Variants in MRC2 observed in about 807,000 individuals in gnomAD.
MRC2 encodes C-type mannose receptor 2.
In MRC2, 84 loss-of-function variants were observed where a neutral mutation model predicts 206.2. The ratio of observed to expected loss-of-function variants is 0.41; its 90% CI spans 0.34 to 0.49. The LOEUF (loss-of-function observed/expected upper bound fraction) is 0.49. Ranked by LOEUF, MRC2 falls within the 20% of genes least tolerant of loss-of-function variation. The probability of loss-of-function intolerance (pLI) is 0.31; values close to 1 mark genes in which losing one functional copy is unlikely to be tolerated. For missense variants in MRC2, 1,676 were observed against 2,001.5 expected, an observed-to-expected ratio of 0.84 and a Z score of 3.10; for synonymous variants, 798 against 800.0, an observed-to-expected ratio of 1.00 and a Z score of 0.04.
At chr17:62,640,549 T>C (rs556773755) in intron 1 of MRC2, among the ~76,000 whole-genome samples, 2 of 152,306 alleles carry the variant, frequency 1.3e-5, no homozygotes, top group South Asian at 4.1e-4. Context: ...AGACACTGTC[T>C]CGCTCTGTTG....
In MRC2 at chr17:62,682,490, C is replaced by T. The variant is rs150297939; in HGVS notation, c.2946+113C>T. On this transcript the variant is annotated intron_variant, in intron 20 of 29. Transcript: ENST00000303375. ...GCAGCACCAAACTCATGGCCTCTTG[C>T]CTGTACCCACCAACTTCTCTTTCAC... 1.3e-3 allele frequency: 1,647 copies of T among 1,238,360 alleles called. 17 individuals carry two copies. The African/African-American group carries it at 0.023, about 17-fold the overall frequency. 76.7% of individuals were successfully genotyped at this position (1,238,360 alleles called of 1,614,324 possible). A position where few individuals can be genotyped will look rare whatever the true frequency, so the allele number is the denominator to read the frequency against.
At chr17:62,647,192 T>C (rs900317654) in intron 1 of MRC2, among the ~76,000 whole-genome samples, 1 of 150,394 alleles carries the variant, frequency 6.6e-6, no homozygotes, top group Admixed American at 6.6e-5. Flanking sequence ...TTTTCTTTTT[T>C]TTTTTTTTTG....
chr17:62,663,825 G>C (rs1355090849), intron 1 of MRC2, among the ~76,000 whole-genome samples: 3 of 152,130 alleles, frequency 2.0e-5, no homozygotes, highest in Non-Finnish European at 4.4e-5. Flanking sequence ...GAGAATTTTG[G>C]CAGAAAAACC....
chr17:62,627,869 G>A lies in MRC2; in HGVS notation c.67G>A (p.Gly23Arg), dbSNP rs1190604136. 1 of 1,476,920 alleles carries A rather than the reference G, an allele frequency of 6.8e-7. No individual in the cohort carries two copies. The highest frequency in any genetic ancestry group is 1.3e-5 in the South Asian group (1 of 77,916). 91.5% of individuals were successfully genotyped at this position (1,476,920 alleles called of 1,614,324 possible). ...RHLLRCVLLL[G>R]CLHLGRPGAP... ...CCTGCTGCGCTGCGTCCTGCTCCTC[G>A]GGTGCCTGCACCTCGGCCGTCCCGG... Residue 23 changes from glycine (G) to arginine (R), a missense_variant, in exon 1 of 30, where the codon GGG becomes AGG. Physicochemically the swap from Gly to Arg is moderately radical, Grantham distance 125. Coordinates refer to ENST00000303375, the MANE Select transcript of MRC2 (RefSeq NM_006039.5).
intron 1 of MRC2, among the ~76,000 whole-genome samples, chr17:62,656,160 C>T (rs936610684): frequency 6.6e-6 from 1 of 152,174 alleles, no homozygotes. Flanking sequence ...GATTCTCCTA[C>T]CTCAGCCTCC....
intron 20 of MRC2, among the ~76,000 whole-genome samples, chr17:62,684,389 A>G (rs1598995854): frequency 6.6e-6 from 1 of 152,194 alleles, no homozygotes; most frequent in East Asian, 1.9e-4. Context: ...CAGCCTGGGC[A>G]ATGTAGCAAG....
intron 20 of MRC2, among the ~76,000 whole-genome samples, chr17:62,683,195 G>T (rs905315169): frequency 6.6e-6 from 1 of 151,848 alleles, no homozygotes; most frequent in East Asian, 1.9e-4. Flanking sequence ...TTGGCTGCGC[G>T]TGGTGGGTCA....
In MRC2 at chr17:62,675,792, T is replaced by C. The variant is rs1448919493; in HGVS notation, c.1572T>C (p.Gly524=). ...AAEEDHGCRK[G]WTWHSPSCYW... is the part of the protein sequence containing the mutation. ...TCTTCTGTCCACTCTTGAGCCAGGG[T>C]TGGACGTGGCACAGCCCATCCTGCT... Residue 524 remains glycine (G), a splice_region_variant and synonymous_variant, in exon 10 of 30, where the codon GGT becomes GGC. Transcript: ENST00000303375. The surrounding 1 kb of genome is among the most constrained non-coding windows in gnomAD (Gnocchi z 4.1). The C allele has an allele frequency of 1.9e-6, 3 of 1,613,430 alleles. No individual in the cohort carries two copies.
chr17:62,649,701 G>A (rs2088531952), intron 1 of MRC2, among the ~76,000 whole-genome samples: 1 of 152,014 alleles, frequency 6.6e-6, no homozygotes, highest in Non-Finnish European at 1.5e-5. Flanking sequence ...ATTAGGAAAC[G>A]TGCCTTGATT....
rs180715192 is a variant in MRC2 at position 62,648,207 on chromosome 17, C to T, written c.119-16341C>T. Among the ~76,000 whole-genome samples, 28 of 152,346 alleles carry T rather than the reference C, an allele frequency of 1.8e-4. No homozygotes were observed. The East Asian group carries it at 5.0e-3, about 27-fold the overall frequency. ...TCACTTGAGGTCAGGAGTTCGAGACCAGCCTGGCCAACATGGCGAAACCCC... is the reference window on the plus strand; with the variant it reads ...TCACTTGAGGTCAGGAGTTCGAGACTAGCCTGGCCAACATGGCGAAACCCC... On this transcript the variant is annotated intron_variant, in intron 1 of 29. Coordinates refer to ENST00000303375, the MANE Select transcript of MRC2 (RefSeq NM_006039.5).
intron 11 of MRC2, 50 bp from the exon 12 acceptor site, chr17:62,677,219 C>A: frequency 6.9e-7 from 1 of 1,457,638 alleles, no homozygotes; most frequent in South Asian, 1.3e-5. Context: ...GAGGGAGGAC[C>A]AGACTATGAA....
rs2088967325 is a variant in MRC2 at position 62,681,626 on chromosome 17, T to A, written c.2703-211T>A. The A allele has an allele frequency of 5.5e-6, 3 of 544,826 alleles. No individual in the cohort carries two copies. The South Asian group carries it at 7.0e-5, about 13-fold the overall frequency. 33.7% of individuals were successfully genotyped at this position (544,826 alleles called of 1,614,324 possible). A position where few individuals can be genotyped will look rare whatever the true frequency, so the allele number is the denominator to read the frequency against. On this transcript the variant is annotated intron_variant, in intron 18 of 29. Transcript: ENST00000303375. The stretch of plus-strand genomic sequence containing the variant: ...GGCTTCTTTTCTGGAGCAGCAAGTG[T>A]CCAGGGACAGCTGGGGCCTTATCTA...
Position 62,664,971 on chromosome 17 carries a change from G to A in MRC2, c.520+22G>A, listed in dbSNP as rs1598982828. On this transcript the variant is annotated intron_variant, in intron 2 of 29. Transcript: ENST00000303375. The surrounding 1 kb of genome is among the most constrained non-coding windows in gnomAD (Gnocchi z 4.7). ...CACGGTGAGGGGCCGCTTGCAGGCG[G>A]GAGGGTGGGGTCCCCGATGTCCAGG... The A allele has an allele frequency of 3.2e-6, 5 of 1,577,364 alleles. No individual in the cohort carries two copies. Among genetic ancestry groups the A allele is most frequent in the Non-Finnish European group, 3.4e-6 (4 of 1,164,336 alleles).
At chr17:62,663,566 G>A (rs1345165939) in intron 1 of MRC2, among the ~76,000 whole-genome samples, 1 of 152,088 alleles carries the variant, frequency 6.6e-6, no homozygotes, top group African/African-American at 2.4e-5. Context: ...CTGTAAAGTG[G>A]GTGTGCTGTG....
At chr17:62,642,927 A>G (rs973107918) in intron 1 of MRC2, among the ~76,000 whole-genome samples, 1 of 152,208 alleles carries the variant, frequency 6.6e-6, no homozygotes, top group Non-Finnish European at 1.5e-5. Context: ...AAAATTGAAT[A>G]TTAGACAGTG....
chr17:62,667,665 T>C lies in MRC2; in HGVS notation c.1117+132T>C. ...AAGGGGACTCTGGATCCTCTGACTCTTATTTCATTGTTCAGTTAAAGTCTG... is the reference window on the plus strand; with the variant it reads ...AAGGGGACTCTGGATCCTCTGACTCCTATTTCATTGTTCAGTTAAAGTCTG... On this transcript the variant is annotated intron_variant, in intron 6 of 29. Transcript: ENST00000303375. This position sits in a 1 kb window ranked among gnomAD's most constrained non-coding sequence, Gnocchi z 4.1. 1 of 994,890 alleles carries C rather than the reference T, an allele frequency of 1.0e-6. No homozygotes were observed. The highest frequency in any genetic ancestry group is 1.4e-6 in the Non-Finnish European group (1 of 714,776). 61.6% of individuals were successfully genotyped at this position (994,890 alleles called of 1,614,324 possible). A position where few individuals can be genotyped will look rare whatever the true frequency, so the allele number is the denominator to read the frequency against.
In MRC2 at chr17:62,671,599, C is replaced by T; in HGVS notation, c.1118-50C>T. 1 of 1,502,774 alleles carries T rather than the reference C, an allele frequency of 6.7e-7. No homozygotes were observed. Among genetic ancestry groups the T allele is most frequent in the Non-Finnish European group, 8.9e-7 (1 of 1,123,032 alleles). The allele number at this position is 1,502,774 out of a possible 1,614,324, so 93.1% of individuals were successfully genotyped here. On this transcript the variant is annotated intron_variant, in intron 6 of 29. Coordinates refer to ENST00000303375, the MANE Select transcript of MRC2 (RefSeq NM_006039.5). This position sits in a 1 kb window ranked among gnomAD's most constrained non-coding sequence, Gnocchi z 4.5. The stretch of plus-strand genomic sequence containing the variant: ...TGACGTCAACCCAGTGGGTTGGTTC[C>T]CAGACTGGGCGGCTCAGTCCCTGAG...
rs747397484 is a variant in MRC2 at position 62,691,057 on chromosome 17, G to C, written c.4121G>C (p.Ser1374Thr). 5.6e-6 allele frequency: 9 copies of C among 1,609,696 alleles called. No homozygotes were observed. Among genetic ancestry groups the C allele is most frequent in the Non-Finnish European group, 7.6e-6 (9 of 1,178,936 alleles). The change falls in exon 28 of 30, where the codon AGC becomes ACC. Residue 1374 changes from serine (S) to threonine (T), a missense_variant. Coordinates refer to ENST00000303375, the MANE Select transcript of MRC2 (RefSeq NM_006039.5). ...LSHNSCYWIQ[S>T]NSGLWRPGAC... is the part of the protein sequence containing the mutation. The stretch of plus-strand genomic sequence containing the variant: ...CACAACAGCTGCTACTGGATTCAGA[G>C]CAACAGCGGGCTATGGCGCCCCGGC...
intron 8 of MRC2, among the ~76,000 whole-genome samples, chr17:62,673,507 CTTTT>C (rs55974246): frequency 1.2e-4 from 14 of 119,694 alleles, no homozygotes; most frequent in Non-Finnish European, 1.6e-4. Context: ...GACGCCTTTC[CTTTT>C]TTTTTTTTTT....
Sources: gnomAD v4.1 joint callset for allele counts (sites outside exome capture counted in the v4.1 genomes callset) on GRCh38, gnomAD v4.1.1 for gene constraint, Gnocchi (gnomAD v3.1) non-coding constraint, MANE v1.5 for transcripts, NCBI Gene and HGNC (gene_info 2026-07-23, HGNC 2026-07-21) for gene names.